Variants in FOSL2 observed in about 807,000 individuals in gnomAD.
FOSL2 encodes fos-related antigen 2.
FOSL2 carries 3 observed loss-of-function variants against 27.7 expected under a neutral mutation model. The observed-to-expected ratio is 0.11, with a 90% CI of 0.05 to 0.28. The LOEUF (loss-of-function observed/expected upper bound fraction) is 0.28, where lower values mean the gene tolerates loss of function less well. Among genes scored for constraint, FOSL2 ranks in the 10% least tolerant of loss-of-function variants. FOSL2 has a pLI of 1.00. For synonymous variants in FOSL2, 179 were observed against 190.1 expected, an observed-to-expected ratio of 0.94 and a Z score of 0.48; for missense variants, 333 against 445.1, an observed-to-expected ratio of 0.75 and a Z score of 2.27.
At chr2:28,409,941 A>T (rs1664156620) in intron 3 of FOSL2, among the ~76,000 whole-genome samples, 3 of 152,114 alleles carry the variant, frequency 2.0e-5, no homozygotes, top group Admixed American at 1.3e-4. Context: ...GGGTTTCACC[A>T]TGTTGGCTAG....
At position 28,392,908 on chromosome 2, in the gene FOSL2, C is replaced by T; in HGVS notation, c.-813C>T. 1.4e-6 allele frequency: 1 copy of T among 712,880 alleles called. No individual in the cohort carries two copies. Among genetic ancestry groups the T allele is most frequent in the Non-Finnish European group, 2.6e-6 (1 of 382,416 alleles). 44.2% of individuals were successfully genotyped at this position (712,880 alleles called of 1,614,324 possible). A position where few individuals can be genotyped will look rare whatever the true frequency, so the allele number is the denominator to read the frequency against. Reference sequence around the variant, plus strand: ...CTAGGGCTCCGAGCGAACCAGCGAGCGAGCGAACGAGCGGCGCTCGGCGGG... The same window carrying T: ...CTAGGGCTCCGAGCGAACCAGCGAGTGAGCGAACGAGCGGCGCTCGGCGGG... On this transcript the variant is annotated 5_prime_UTR_variant, in exon 1 of 4. Transcript: ENST00000264716.
intron 3 of FOSL2, 142 bp from the exon 4 acceptor site, chr2:28,411,788 A>T: frequency 1.3e-6 from 1 of 794,112 alleles, no homozygotes; most frequent in Non-Finnish European, 2.1e-6. Context: ...GGTGACTGAG[A>T]GACTCAGACC....
chr2:28,404,274 T>A lies in FOSL2; in HGVS notation c.270T>A (p.Ser90=), dbSNP rs1664034196. The change falls in exon 2 of 4, where the codon TCT becomes TCA. Residue 90 remains serine, a synonymous_variant. Coordinates refer to ENST00000264716, the MANE Select transcript of FOSL2 (RefSeq NM_005253.4). This position sits in a 1 kb window ranked among gnomAD's most constrained non-coding sequence, Gnocchi z 4.7. ...ACAGCCCCCTGCCGGGCCTGGCCTC[T>A]GTCCCTGGACACATGGCCCTCCCAA... ...HPYSPLPGLA[S]VPGHMALPRP... The A allele has an allele frequency of 6.2e-7, 1 of 1,614,198 alleles. No homozygotes were observed. Among genetic ancestry groups the A allele is most frequent in the Non-Finnish European group, 8.5e-7 (1 of 1,180,038 alleles).
Position 28,416,606 on chromosome 2 carries a change from C to T in FOSL2, c.*4158C>T, listed in dbSNP as rs2175093. On this transcript the variant is annotated 3_prime_UTR_variant, in exon 4 of 4. Coordinates refer to ENST00000264716, the MANE Select transcript of FOSL2 (RefSeq NM_005253.4). ...CTGGGGACAGTGGTCGCCAAGACAT[C>T]TACATTGTAAGAGAACACAGTGGAA... The T allele has an allele frequency of 6.6e-6, 1 of 151,850 alleles. No individual in the cohort carries two copies. The highest frequency in any genetic ancestry group is 3.2e-3 in the Middle Eastern group (1 of 314). 9.4% of individuals were successfully genotyped at this position (151,850 alleles called of 1,614,324 possible). A position where few individuals can be genotyped will look rare whatever the true frequency, so the allele number is the denominator to read the frequency against.
chr2:28,406,139 TC>T (rs1417592775), intron 2 of FOSL2, among the ~76,000 whole-genome samples: 1 of 145,860 alleles, frequency 6.9e-6, no homozygotes, highest in East Asian at 2.3e-4. Context: ...CACTACAACC[TC>T]CTCCACCTCC....
rs1664130989 is a variant in FOSL2 at position 28,408,610 on chromosome 2, G to A, written c.355-149G>A. ...ACATCAGGGATCCACATGTTCTGGG[G>A]CCTCTGAGTCCAGCCATGCTCCTCT... On this transcript the variant is annotated intron_variant, in intron 2 of 3. Coordinates refer to ENST00000264716, the MANE Select transcript of FOSL2 (RefSeq NM_005253.4). This position sits in a 1 kb window ranked among gnomAD's most constrained non-coding sequence, Gnocchi z 4.1. 3.6e-6 allele frequency: 2 copies of A among 550,760 alleles called. No homozygotes were observed. Among genetic ancestry groups the A allele is most frequent in the Non-Finnish European group, 6.3e-6 (2 of 317,696 alleles). 34.1% of individuals were successfully genotyped at this position (550,760 alleles called of 1,614,324 possible).
At position 28,414,096 on chromosome 2, in the gene FOSL2, C is replaced by T. The variant is rs547009818; in HGVS notation, c.*1648C>T. On this transcript the variant is annotated 3_prime_UTR_variant, in exon 4 of 4. Transcript: ENST00000264716. ...AGCTCCTGGCCAGAACCAGCCTCTG[C>T]GGGGCTTGTGCTCTGCAAAGACTCT... 7 of 355,456 alleles carry T rather than the reference C, an allele frequency of 2.0e-5. No homozygotes were observed. Among genetic ancestry groups the T allele is most frequent in the African/African-American group, 4.2e-5 (2 of 48,024 alleles). 22.0% of individuals were successfully genotyped at this position (355,456 alleles called of 1,614,324 possible).
intron 1 of FOSL2, among the ~76,000 whole-genome samples, chr2:28,399,020 G>C (rs375545379): frequency 1.0e-3 from 159 of 152,286 alleles, no homozygotes; most frequent in African/African-American, 3.8e-3. Context: ...TAGGATGTTG[G>C]AATTGTCCCT....
chr2:28,406,345 A>G (rs1558568324), intron 2 of FOSL2, among the ~76,000 whole-genome samples: 1 of 152,104 alleles, frequency 6.6e-6, no homozygotes, highest in Non-Finnish European at 1.5e-5. Context: ...TACAGGCGTG[A>G]GCCACCGCGC....
chr2:28,411,871 C>T (rs764125325), intron 3 of FOSL2, 59 bp from the exon 4 acceptor site: 6 of 1,590,572 alleles, frequency 3.8e-6, no homozygotes, highest in Non-Finnish European at 5.2e-6. Flanking sequence ...TTTCTCTTTC[C>T]TGCCTAGATT....
In FOSL2 at chr2:28,392,961, A is replaced by G. The variant is rs771626880; in HGVS notation, c.-760A>G. ...CAGAAAGAGGGAGAGAGAGAGAGAG[A>G]GAGAGGGAGAGGCGCGGCCGGGCGA... On this transcript the variant is annotated 5_prime_UTR_variant, in exon 1 of 4. Coordinates refer to ENST00000264716, the MANE Select transcript of FOSL2 (RefSeq NM_005253.4). The G allele has an allele frequency of 3.5e-5, 23 of 656,300 alleles. No homozygotes were observed. The highest frequency in any genetic ancestry group is 5.4e-5 in the Non-Finnish European group (19 of 353,886). The allele number at this position is 656,300 out of a possible 1,614,324, so 40.7% of individuals were successfully genotyped here.
At position 28,393,024 on chromosome 2, in the gene FOSL2, G is replaced by T; in HGVS notation, c.-697G>T. 1.8e-6 allele frequency: 1 copy of T among 561,788 alleles called. No individual in the cohort carries two copies. The allele number at this position is 561,788 out of a possible 1,614,324, so 34.8% of individuals were successfully genotyped here. On this transcript the variant is annotated 5_prime_UTR_variant, in exon 1 of 4. Transcript: ENST00000264716. The surrounding 1 kb of genome is among the most constrained non-coding windows in gnomAD (Gnocchi z 4.6). The stretch of plus-strand genomic sequence containing the variant: ...CGGGAGCGGGCTCCGGGGAAGGGGT[G>T]CGGGTCTGGGCGCCGGAGCGGGGAG...
At position 28,393,604 on chromosome 2, in the gene FOSL2, G is replaced by A; in HGVS notation, c.-117G>A. 1 of 717,578 alleles carries A rather than the reference G, an allele frequency of 1.4e-6. No individual in the cohort carries two copies. Among genetic ancestry groups the A allele is most frequent in the Admixed American group, 2.8e-5 (1 of 36,094 alleles). The allele number at this position is 717,578 out of a possible 1,614,324, so 44.5% of individuals were successfully genotyped here. ...GGTGGGGGAGAAACCCAGGAGCGAA[G>A]CCCAGAGCCCGCGGCGCGGCCGGCG... On this transcript the variant is annotated 5_prime_UTR_variant, in exon 1 of 4. Transcript: ENST00000264716. The surrounding 1 kb of genome is among the most constrained non-coding windows in gnomAD (Gnocchi z 4.6).
chr2:28,408,932 G>A lies in FOSL2; in HGVS notation c.462+66G>A. 3 of 1,089,226 alleles carry A rather than the reference G, an allele frequency of 2.8e-6. No homozygotes were observed. In the South Asian group the frequency reaches 4.6e-5, roughly 17 times the overall value. The allele number at this position is 1,089,226 out of a possible 1,614,324, so 67.5% of individuals were successfully genotyped here. On this transcript the variant is annotated intron_variant, in intron 3 of 3. Coordinates refer to ENST00000264716, the MANE Select transcript of FOSL2 (RefSeq NM_005253.4). The surrounding 1 kb of genome is among the most constrained non-coding windows in gnomAD (Gnocchi z 4.1). ...CTGGAGTGAGAGCCCCGGGGGTCCT[G>A]ATCCTCTCTCCCACAGCTGTCTCCT... is the stretch of plus-strand genomic sequence containing the variant.
chr2:28,408,300 G>C lies in FOSL2; in HGVS notation c.355-459G>C, dbSNP rs1664124328. ...TAACAAAATGGGGATAATGAGGCTT[G>C]CAGAGCAGGCAGAGTGATGGGAGGA... On this transcript the variant is annotated intron_variant, in intron 2 of 3. Transcript: ENST00000264716. This position sits in a 1 kb window ranked among gnomAD's most constrained non-coding sequence, Gnocchi z 4.1. Among the ~76,000 whole-genome samples, 1 of 152,214 alleles carries C rather than the reference G, an allele frequency of 6.6e-6. No homozygotes were observed. The highest frequency in any genetic ancestry group is 2.4e-5 in the African/African-American group (1 of 41,448).
chr2:28,408,994 A>G lies in FOSL2; in HGVS notation c.462+128A>G. The G allele has an allele frequency of 3.5e-6, 2 of 575,234 alleles. No homozygotes were observed. Among genetic ancestry groups the G allele is most frequent in the South Asian group, 2.3e-5 (1 of 43,422 alleles). The allele number at this position is 575,234 out of a possible 1,614,324, so 35.6% of individuals were successfully genotyped here. ...GCCCTACAGATGAGTCAGTGGAGATAGAGCTTTCCTTCCTTTGGACACATG... is the reference window on the plus strand; with the variant it reads ...GCCCTACAGATGAGTCAGTGGAGATGGAGCTTTCCTTCCTTTGGACACATG... On this transcript the variant is annotated intron_variant, in intron 3 of 3. Coordinates refer to ENST00000264716, the MANE Select transcript of FOSL2 (RefSeq NM_005253.4). This position sits in a 1 kb window ranked among gnomAD's most constrained non-coding sequence, Gnocchi z 4.1.
intron 1 of FOSL2, chr2:28,397,117 G>C (rs1369345840): frequency 6.6e-6 from 1 of 152,084 alleles, no homozygotes; most frequent in Non-Finnish European, 1.5e-5. Context: ...GGAACTGCTT[G>C]ACTTTGAGTT....
chr2:28,402,375 C>T lies in FOSL2; in HGVS notation c.103-1732C>T, dbSNP rs879676755. On this transcript the variant is annotated intron_variant, in intron 1 of 3. Coordinates refer to ENST00000264716, the MANE Select transcript of FOSL2 (RefSeq NM_005253.4). ...CTGGTTGATGAGGCAGCCGTTCCAA[C>T]ATGCAGACTAGGGTCAGGCAGATAG... 2.6e-5 allele frequency among the ~76,000 whole-genome samples: 4 copies of T among 152,254 alleles called. No homozygotes were observed. In the South Asian group the frequency reaches 8.3e-4, roughly 31 times the overall value.
chr2:28,398,848 C>G (rs1400802279), intron 1 of FOSL2, among the ~76,000 whole-genome samples: 1 of 152,222 alleles, frequency 6.6e-6, no homozygotes, highest in Non-Finnish European at 1.5e-5. Flanking sequence ...AACGCAGAAC[C>G]TGTGAAGAAT....
Sources: allele counts gnomAD v4.1 joint callset (sites outside exome capture counted in the v4.1 genomes callset), GRCh38; gene constraint gnomAD v4.1.1; non-coding constraint Gnocchi (gnomAD v3.1); transcripts MANE v1.5; gene names NCBI Gene and HGNC (gene_info 2026-07-23, HGNC 2026-07-21).